The following SIM2 variants were observed in gnomAD, a reference collection of about 807,000 sequenced individuals.
SIM2 encodes the protein single-minded homolog 2.
SIM2 carries 28 observed loss-of-function variants against 64.8 expected under a neutral mutation model. The observed-to-expected ratio is 0.43, with a 90% CI of 0.32 to 0.59. The LOEUF is 0.59. Among genes scored for constraint, SIM2 ranks in the 20% least tolerant of loss-of-function variants. The pLI is 0.07. For synonymous variants in SIM2, 408 were observed against 391.1 expected, an observed-to-expected ratio of 1.04 and a Z score of -0.51; for missense variants, 847 against 871.4, an observed-to-expected ratio of 0.97 and a Z score of 0.35.
Position 36,743,414 on chromosome 21 carries a change from G to A in SIM2, c.1026G>A (p.Leu342=). 1 of 1,613,658 alleles carries A rather than the reference G, an allele frequency of 6.2e-7. No individual in the cohort carries two copies. Among genetic ancestry groups the A allele is most frequent in the Non-Finnish European group, 8.5e-7 (1 of 1,179,848 alleles). The change falls in exon 9 of 11, where the codon CTG becomes CTA. Residue 342 remains leucine (L), a synonymous_variant. Transcript: ENST00000290399. ...LTEIEYKELQ[L]SLEQVSTAKS... ...AGATTGAATACAAGGAACTTCAGCT[G>A]TCCCTGGAGCAGGTGTCCACTGCCA...
intron 6 of SIM2, among the ~76,000 whole-genome samples, chr21:36,730,746 A>G (rs981995611): frequency 6.6e-6 from 1 of 152,222 alleles, no homozygotes; most frequent in African/African-American, 2.4e-5. Context: ...ATCAAAGTCC[A>G]CTTGTAAGCA....
At chr21:36,736,889 CTTTT>C (rs2089065403) in intron 7 of SIM2, among the ~76,000 whole-genome samples, 1 of 123,060 alleles carries the variant, frequency 8.1e-6, no homozygotes, top group African/African-American at 3.2e-5. Flanking sequence ...CCTTCCTTTT[CTTTT>C]TCTTTCTTTT....
rs1474501244 is a variant in SIM2 at position 36,747,758 on chromosome 21, C to T, written c.1670C>T (p.Pro557Leu). The change falls in exon 11 of 11, where the codon CCG becomes CTG. Residue 557 changes from proline to leucine, a missense_variant. Physicochemically the swap from Pro to Leu is moderately conservative, Grantham distance 98. This residue lies in a region of SIM2 where 447 missense variants were observed against 414.6 expected (regional missense o/e 1.08). Coordinates refer to ENST00000290399, the MANE Select transcript of SIM2 (RefSeq NM_005069.6). This position sits in a 1 kb window ranked among gnomAD's most constrained non-coding sequence, Gnocchi z 4.5. ...TACCGCGAGGAGCCCGCGCTGGGCC[C>T]GGCCAAAGCCGCCCGCCAGGCCGCC... ...GHYREEPALGPAKAARQAARD... is the reference protein window; with the variant it reads ...GHYREEPALGLAKAARQAARD... The T allele has an allele frequency of 2.9e-5, 34 of 1,163,836 alleles. No homozygotes were observed. The highest frequency in any genetic ancestry group is 3.5e-5 in the Non-Finnish European group (33 of 946,682). The allele number at this position is 1,163,836 out of a possible 1,614,324, so 72.1% of individuals were successfully genotyped here. A position where few individuals can be genotyped will look rare whatever the true frequency, so the allele number is the denominator to read the frequency against.
At chr21:36,736,161 C>T (rs576971971) in intron 7 of SIM2, among the ~76,000 whole-genome samples, 4 of 152,310 alleles carry the variant, frequency 2.6e-5, no homozygotes, top group African/African-American at 9.6e-5. Context: ...CAACCCCCGC[C>T]CGGGCCCCTC....
In SIM2 at chr21:36,699,791, G is replaced by A. The variant is rs145240420; in HGVS notation, c.45G>A (p.Lys15=). 70 of 1,613,068 alleles carry A rather than the reference G, an allele frequency of 4.3e-5. No homozygotes were observed. In the African/African-American group the frequency reaches 6.8e-4, roughly 16 times the overall value. Residue 15 remains lysine, a synonymous_variant, in exon 1 of 11, where the codon AAG becomes AAA. Transcript: ENST00000290399. This position sits in a 1 kb window ranked among gnomAD's most constrained non-coding sequence, Gnocchi z 5.6. Reference sequence around the variant, plus strand: ...ATGCGGCCAAGACCAGGAGGGAGAAGGAAAATGGCGAGTTTTACGAGCTTG... The same window carrying A: ...ATGCGGCCAAGACCAGGAGGGAGAAAGAAAATGGCGAGTTTTACGAGCTTG... ...SKNAAKTRRE[K]ENGEFYELAK... is the part of the protein sequence containing the mutation.
Position 36,745,230 on chromosome 21 carries a change from C to T in SIM2, c.1576+94C>T. On this transcript the variant is annotated intron_variant, in intron 10 of 10. Transcript: ENST00000290399. This position sits in a 1 kb window ranked among gnomAD's most constrained non-coding sequence, Gnocchi z 4.8. ...GGTGGGTGGCAGATGGAGACAGAAC[C>T]CTCACGCTTTGGGCAAACTTGCCCT... The T allele has an allele frequency of 4.7e-6, 7 of 1,489,474 alleles. No homozygotes were observed. The highest frequency in any genetic ancestry group is 1.8e-4 in the Middle Eastern group (1 of 5,684). 92.3% of individuals were successfully genotyped at this position (1,489,474 alleles called of 1,614,324 possible). A position where few individuals can be genotyped will look rare whatever the true frequency, so the allele number is the denominator to read the frequency against.
intron 2 of SIM2, 84 bp from the exon 3 acceptor site, chr21:36,712,449 C>A (rs1404153273): frequency 7.6e-6 from 7 of 921,558 alleles, no homozygotes; most frequent in Non-Finnish European, 1.2e-5. Context: ...TGATGCATCC[C>A]TCCATCCCAG....
intron 7 of SIM2, among the ~76,000 whole-genome samples, chr21:36,731,702 T>C (rs919753615): frequency 2.6e-5 from 4 of 152,098 alleles, no homozygotes; most frequent in Non-Finnish European, 5.9e-5. Flanking sequence ...CCCAGCCAGC[T>C]AGGGGAAGCC....
Position 36,747,960 on chromosome 21 carries a change from C to T in SIM2, c.1872C>T (p.Cys624=). The T allele has an allele frequency of 2.0e-6, 2 of 1,005,408 alleles. No individual in the cohort carries two copies. Among genetic ancestry groups the T allele is most frequent in the Non-Finnish European group, 2.4e-6 (2 of 846,618 alleles). 62.3% of individuals were successfully genotyped at this position (1,005,408 alleles called of 1,614,324 possible). Reference sequence around the variant, plus strand: ...CACCCGCCGCCTCCGGCCTGGCCTGCGCTCCCGGCGGCCCCGAGGCGGCGA... The same window carrying T: ...CACCCGCCGCCTCCGGCCTGGCCTGTGCTCCCGGCGGCCCCGAGGCGGCGA... ...GAAPAASGLA[C]APGGPEAATG... Residue 624 remains cysteine, a synonymous_variant, in exon 11 of 11, where the codon TGC becomes TGT. Transcript: ENST00000290399. The surrounding 1 kb of genome is among the most constrained non-coding windows in gnomAD (Gnocchi z 4.5).
intron 3 of SIM2, among the ~76,000 whole-genome samples, chr21:36,717,046 T>C (rs1448519685): frequency 6.6e-6 from 1 of 152,190 alleles, no homozygotes; most frequent in Non-Finnish European, 1.5e-5. Context: ...CCTAGACAGC[T>C]CTGGAGTTTT....
In SIM2 at chr21:36,699,791, G is replaced by T; in HGVS notation, c.45G>T (p.Lys15Asn). The T allele has an allele frequency of 6.2e-7, 1 of 1,613,068 alleles. No homozygotes were observed. The highest frequency in any genetic ancestry group is 8.5e-7 in the Non-Finnish European group (1 of 1,179,488). ...SKNAAKTRRE[K>N]ENGEFYELAK... ...ATGCGGCCAAGACCAGGAGGGAGAA[G>T]GAAAATGGCGAGTTTTACGAGCTTG... is the stretch of plus-strand genomic sequence containing the variant. Residue 15 changes from lysine (K) to asparagine (N), a missense_variant, in exon 1 of 11, where the codon AAG becomes AAT. By Grantham distance (94) the Lys-to-Asn change is moderately conservative (BLOSUM62 0). Around this residue, in one of 3 missense-constraint regions of SIM2, gnomAD observed 397 missense variants for 439.2 expected, o/e 0.90. Transcript: ENST00000290399. The surrounding 1 kb of genome is among the most constrained non-coding windows in gnomAD (Gnocchi z 5.6).
intron 1 of SIM2, among the ~76,000 whole-genome samples, chr21:36,706,524 C>T (rs1482928014): frequency 2.0e-5 from 3 of 152,226 alleles, no homozygotes; most frequent in Non-Finnish European, 4.4e-5. Flanking sequence ...TGAAATAAAG[C>T]CCTTCCTTAG....
chr21:36,709,747 A>T, intron 2 of SIM2: 1 of 296,064 alleles, frequency 3.4e-6, no homozygotes, highest in Non-Finnish European at 6.6e-6. Flanking sequence ...ACTGCAAGCC[A>T]CATTCAGTTC....
chr21:36,735,783 C>T (rs1174195687), intron 7 of SIM2, among the ~76,000 whole-genome samples: 1 of 152,168 alleles, frequency 6.6e-6, no homozygotes, highest in Non-Finnish European at 1.5e-5. Context: ...GGGGAGAGGC[C>T]CTTCCCATAT....
intron 7 of SIM2, among the ~76,000 whole-genome samples, chr21:36,734,524 G>C (rs2089017336): frequency 6.6e-6 from 1 of 151,930 alleles, no homozygotes; most frequent in Admixed American, 6.6e-5. Flanking sequence ...CTGCACCCCA[G>C]CCAGGCCGGT....
chr21:36,732,996 A>G (rs755945426), intron 7 of SIM2, among the ~76,000 whole-genome samples: 2 of 151,934 alleles, frequency 1.3e-5, no homozygotes, highest in African/African-American at 4.8e-5. Context: ...GAGGGCTCAT[A>G]CCTCCACACG....
chr21:36,730,173 G>C (rs2088946134), intron 6 of SIM2, among the ~76,000 whole-genome samples: 1 of 152,208 alleles, frequency 6.6e-6, no homozygotes, highest in South Asian at 2.1e-4. Flanking sequence ...ACAGTGTCTA[G>C]CGTGCAACAG....
chr21:36,722,948 G>C (rs2088843090), intron 4 of SIM2, 97 bp from the exon 5 acceptor site: 3 of 905,160 alleles, frequency 3.3e-6, no homozygotes, highest in African/African-American at 3.2e-5. Flanking sequence ...GCCTCTGGGT[G>C]CTGCATCTGG....
At chr21:36,706,956 T>A (rs1349646729) in intron 1 of SIM2, among the ~76,000 whole-genome samples, 1 of 152,264 alleles carries the variant, frequency 6.6e-6, no homozygotes, top group Non-Finnish European at 1.5e-5. Flanking sequence ...CACTTTTGCA[T>A]GTAGAGCCAG....
Sources: allele counts gnomAD v4.1 joint callset (sites outside exome capture counted in the v4.1 genomes callset), GRCh38; gene constraint gnomAD v4.1.1; regional missense constraint gnomAD v4.1.1; non-coding constraint Gnocchi (gnomAD v3.1); transcripts MANE v1.5; gene names NCBI Gene and HGNC (gene_info 2026-07-23, HGNC 2026-07-21).